The following ROBO2 variants were observed in gnomAD, a reference collection of about 807,000 sequenced individuals.
ROBO2 encodes the protein roundabout homolog 2.
In ROBO2, 53 loss-of-function variants were observed where a neutral mutation model predicts 160.8. The ratio of observed to expected loss-of-function variants is 0.33; its 90% CI spans 0.26 to 0.41. The LOEUF (loss-of-function observed/expected upper bound fraction) is 0.41, where lower values mean the gene tolerates loss of function less well. Ranked by LOEUF, ROBO2 falls within the 10% of genes least tolerant of loss-of-function variation. ROBO2 has a pLI of 1.00. For missense variants in ROBO2, 1,577 were observed against 1,722.4 expected (o/e 0.92, Z 1.49); for synonymous variants, 664 against 611.7 (o/e 1.09, Z -1.26).
chr3:75,967,894 T>C (rs868284943), intron 2 of ROBO2, among the ~76,000 whole-genome samples: 1 of 151,510 alleles, frequency 6.6e-6, no homozygotes, highest in Non-Finnish European at 1.5e-5. Context: ...TGAAGTAATA[T>C]TGACTGTAAG....
intron 22 of ROBO2, 50 bp downstream of exon 23, chr3:77,617,823 T>C (rs2094815174): frequency 1.3e-6 from 2 of 1,597,662 alleles, no homozygotes; most frequent in Non-Finnish European, 1.7e-6. Flanking sequence ...CACATGGAAA[T>C]TTTTTTCAGA....
Position 76,936,013 on chromosome 3 carries a change from T to C in ROBO2, c.110-162001T>C, listed in dbSNP as rs10155006. 3.7e-3 allele frequency among the ~76,000 whole-genome samples: 567 copies of C among 152,316 alleles called. 5 individuals carry two copies. Among genetic ancestry groups the C allele is most frequent in the African/African-American group, 0.013 (549 of 41,574 alleles). On this transcript the variant is annotated intron_variant, in intron 2 of 26. Coordinates refer to the ROBO2 transcript ENST00000487694. ...AAGTGGCCAATTCTTTTGTTGAAGA[T>C]TTCTCAATTTGAATTGGTCTGAAAT...
intron 2 of ROBO2, among the ~76,000 whole-genome samples, chr3:76,667,402 A>G (rs2092091874): frequency 1.3e-5 from 2 of 152,182 alleles, no homozygotes. Context: ...TGCAAATCAA[A>G]TAATGTTTGA....
intron 2 of ROBO2, among the ~76,000 whole-genome samples, chr3:77,382,896 A>G (rs538744973): frequency 1.3e-4 from 20 of 152,300 alleles, no homozygotes; most frequent in African/African-American, 3.6e-4. Flanking sequence ...GCAGGTGTCA[A>G]AAAAGATCTA....
At chr3:77,067,204 T>C (rs1214174618) in intron 1 of ROBO2, among the ~76,000 whole-genome samples, 4 of 152,154 alleles carry the variant, frequency 2.6e-5, no homozygotes, top group African/African-American at 9.7e-5. Context: ...TTGCAAAACA[T>C]CCTAACTGAA....
intron 2 of ROBO2, among the ~76,000 whole-genome samples, chr3:76,605,121 T>C (rs541580574): frequency 6.6e-6 from 1 of 152,146 alleles, no homozygotes; most frequent in Non-Finnish European, 1.5e-5. Context: ...CTGATTAAAA[T>C]GTTTGTGTGC....
chr3:77,063,707 T>C (rs2066550488), intron 1 of ROBO2, among the ~76,000 whole-genome samples: 1 of 152,194 alleles, frequency 6.6e-6, no homozygotes, highest in South Asian at 2.1e-4. Context: ...CATAAGGAAG[T>C]GTTTAATAAA....
At chr3:76,862,691 G>C (rs1043476443) in intron 2 of ROBO2, among the ~76,000 whole-genome samples, 1 of 152,094 alleles carries the variant, frequency 6.6e-6, no homozygotes, top group African/African-American at 2.4e-5. Flanking sequence ...TGCTTCCAGG[G>C]AGAAGGGTTG....
At chr3:76,361,916 A>G (rs910929180) in intron 2 of ROBO2, among the ~76,000 whole-genome samples, 1 of 152,132 alleles carries the variant, frequency 6.6e-6, no homozygotes, top group South Asian at 2.1e-4. Flanking sequence ...CTGAAGTGTT[A>G]GATTTATTAC....
At chr3:76,296,553 C>T (rs1367743151) in intron 2 of ROBO2, among the ~76,000 whole-genome samples, 1 of 152,166 alleles carries the variant, frequency 6.6e-6, no homozygotes, top group Non-Finnish European at 1.5e-5. Flanking sequence ...TCTCACCTTC[C>T]CCTTTCTCCC....
intron 2 of ROBO2, among the ~76,000 whole-genome samples, chr3:76,902,218 T>C (rs1297557408): frequency 7.9e-5 from 12 of 152,038 alleles, no homozygotes; most frequent in African/African-American, 2.9e-4. Flanking sequence ...TCAATACTCA[T>C]AATGTAATAA....
At chr3:76,557,973 G>C (rs923077989) in intron 2 of ROBO2, among the ~76,000 whole-genome samples, 1 of 150,596 alleles carries the variant, frequency 6.6e-6, no homozygotes, top group African/African-American at 2.4e-5. Flanking sequence ...CGGATAATGG[G>C]GAGGCATTCA....
At chr3:76,602,699 T>C (rs542638825) in intron 2 of ROBO2, among the ~76,000 whole-genome samples, 13 of 152,076 alleles carry the variant, frequency 8.5e-5, no homozygotes, top group African/African-American at 2.9e-4. Context: ...CAATTCAAGA[T>C]GAGATTTGGG....
intron 2 of ROBO2, among the ~76,000 whole-genome samples, chr3:76,534,429 G>A (rs910544535): frequency 6.6e-6 from 1 of 152,124 alleles, no homozygotes; most frequent in Non-Finnish European, 1.5e-5. Context: ...ATATGAATAG[G>A]ATTCCCTGTT....
chr3:77,188,735 T>C (rs1429497539), intron 2 of ROBO2, among the ~76,000 whole-genome samples: 6 of 151,864 alleles, frequency 4.0e-5, no homozygotes, highest in Non-Finnish European at 8.8e-5. Flanking sequence ...TCACCAAAAA[T>C]TTAAAAATCA....
chr3:76,814,205 T>C (rs1328046165), intron 2 of ROBO2, among the ~76,000 whole-genome samples: 1 of 152,160 alleles, frequency 6.6e-6, no homozygotes, highest in African/African-American at 2.4e-5. Context: ...ATAGACTGAC[T>C]GTTTCAACTC....
chr3:76,171,630 G>C (rs1386595644), intron 2 of ROBO2, among the ~76,000 whole-genome samples: 1 of 152,034 alleles, frequency 6.6e-6, no homozygotes, highest in Non-Finnish European at 1.5e-5. Flanking sequence ...GCAATGCCCT[G>C]ATGTAGCTAC....
chr3:77,356,601 A>G (rs1256527916), intron 2 of ROBO2, among the ~76,000 whole-genome samples: 1 of 152,204 alleles, frequency 6.6e-6, no homozygotes, highest in East Asian at 1.9e-4. Context: ...AAATTGATTT[A>G]GCATAAGTTT....
At chr3:76,965,854 C>T (rs2059258345) in intron 2 of ROBO2, among the ~76,000 whole-genome samples, 1 of 143,258 alleles carries the variant, frequency 7.0e-6, no homozygotes, top group African/African-American at 2.6e-5. Context: ...TAGGGAAGAA[C>T]CACCCATATC....
Sources: gnomAD v4.1 joint callset for allele counts (sites outside exome capture counted in the v4.1 genomes callset) on GRCh38, gnomAD v4.1.1 for gene constraint, MANE v1.5 for transcripts, NCBI Gene and HGNC (gene_info 2026-07-23, HGNC 2026-07-21) for gene names.